Variants in PCDHA1 observed in about 807,000 individuals in gnomAD.
The protein encoded by PCDHA1 is protocadherin alpha 1.
PCDHA1 carries 42 observed loss-of-function variants against 61.3 expected under a neutral mutation model. The ratio of observed to expected loss-of-function variants is 0.69; its 90% confidence interval spans 0.54 to 0.89. The LOEUF (loss-of-function observed/expected upper bound fraction) is 0.89. Ranked by LOEUF, PCDHA1 falls within the 40% of genes least tolerant of loss-of-function variation. The pLI is 0.00. For missense variants in PCDHA1, 1,256 were observed against 1,235.3 expected (o/e 1.02, Z -0.25); for synonymous variants, 610 against 553.8 (o/e 1.10, Z -1.43).
chr5:140,852,896 TG>T (rs2042516637), intron 1 of PCDHA1: 1 of 852,490 alleles, frequency 1.2e-6, no homozygotes, highest in Non-Finnish European at 1.4e-6. Context: ...TTTTTTTTTT[TG>T]AGTCAGAGTC....
rs116377419 is a variant in PCDHA1, at chr5:140,884,621, G to A, written c.2395-94328G>A. On this transcript the variant is annotated intron_variant, in intron 1 of 3. Coordinates refer to ENST00000504120, the MANE Select transcript of PCDHA1 (RefSeq NM_018900.4). ...TCCTCCTTGTCTGGGTTCTGCAGAG[G>A]GAACAGGCCAGAGGGAGGAGGACTC... 8.0e-4 allele frequency: 1,287 copies of A among 1,613,996 alleles called. 6 individuals carry two copies. The African/African-American group carries it at 0.016, about 20-fold the overall frequency.
chr5:140,882,438 C>T (rs782795158), intron 1 of PCDHA1: 5 of 1,614,020 alleles, frequency 3.1e-6, no homozygotes, highest in Non-Finnish European at 4.2e-6. Context: ...CTGGAGCTGG[C>T]GGAGCTGGTG....
At chr5:140,968,634 A>T (rs782166097) in intron 1 of PCDHA1, 7 of 1,614,176 alleles carry the variant, frequency 4.3e-6, no homozygotes, top group Non-Finnish European at 5.9e-6. Flanking sequence ...CTTTTTTACC[A>T]TCTAGCCCAG....
At chr5:140,958,796 T>C (rs2095443333) in intron 1 of PCDHA1, among the ~76,000 whole-genome samples, 2 of 152,182 alleles carry the variant, frequency 1.3e-5, no homozygotes, top group Admixed American at 6.5e-5. Context: ...TCTAGTAAAT[T>C]ATCACACCAT....
At chr5:141,007,977 T>A (rs564286183) in intron 3 of PCDHA1, among the ~76,000 whole-genome samples, 20 of 152,362 alleles carry the variant, frequency 1.3e-4, no homozygotes, top group African/African-American at 4.8e-4. Flanking sequence ...GTCTGTCATG[T>A]ATATATGAAA....
chr5:140,906,662 G>A (rs1186000828), intron 1 of PCDHA1, among the ~76,000 whole-genome samples: 1 of 152,200 alleles, frequency 6.6e-6, no homozygotes, highest in Non-Finnish European at 1.5e-5. Context: ...TCCTGGTGTA[G>A]TGACCCAAAC....
Position 140,893,828 on chromosome 5 carries a change from C to T in PCDHA1, c.2395-85121C>T, listed in dbSNP as rs144587014. Among the ~76,000 whole-genome samples the T allele has an allele frequency of 1.9e-3, 290 of 152,282 alleles. 1 individual carries two copies. Among genetic ancestry groups the T allele is most frequent in the African/African-American group, 6.6e-3 (275 of 41,556 alleles). ...CTTGAGTCTGGTACCGTAGACTACT[C>T]AGCCATCCTGATGCCCTACCTCTTG... On this transcript the variant is annotated intron_variant, in intron 1 of 3. Coordinates refer to ENST00000504120, the MANE Select transcript of PCDHA1 (RefSeq NM_018900.4).
rs1554135389 is a variant in PCDHA1 at position 140,835,887 on chromosome 5, C to T, written c.2394+47203C>T. The T allele has an allele frequency of 3.7e-6, 6 of 1,611,898 alleles. No homozygotes were observed. In the East Asian group the frequency reaches 1.1e-4, roughly 30 times the overall value. ...GCTGGTGGAGCTGCGGGTGGGCGAG[C>T]GCGCGCTGTCGAGCTACGTGTCAGT... is the stretch of plus-strand genomic sequence containing the variant. On this transcript the variant is annotated intron_variant, in intron 1 of 3. Transcript: ENST00000504120.
intron 1 of PCDHA1, chr5:140,809,158 C>T: frequency 6.2e-7 from 1 of 1,613,948 alleles, no homozygotes; most frequent in Non-Finnish European, 8.5e-7. Flanking sequence ...ACGGCGAGCC[C>T]GCGCTGACGG....
At chr5:140,797,335 T>C (rs1554120411) in intron 1 of PCDHA1, 1 of 1,614,030 alleles carries the variant, frequency 6.2e-7, no homozygotes, top group African/African-American at 1.3e-5. Context: ...GCTCTCAGAA[T>C]CAGAATACGT....
At position 140,856,259 on chromosome 5, in the gene PCDHA1, G is replaced by T. The variant is rs199529084; in HGVS notation, c.2394+67575G>T. The T allele has an allele frequency of 2.8e-5, 45 of 1,597,976 alleles. 8 individuals are homozygous for T. Among genetic ancestry groups the T allele is most frequent in the Non-Finnish European group, 2.9e-5 (34 of 1,167,878 alleles). The stretch of plus-strand genomic sequence containing the variant: ...GTTCCGGGTGGCGTCCAAAAGACAC[G>T]GGGACCTTCTGGAGGTAAATCTGCA... On this transcript the variant is annotated intron_variant, in intron 1 of 3. Coordinates refer to ENST00000504120, the MANE Select transcript of PCDHA1 (RefSeq NM_018900.4).
rs1563652468 is a variant in PCDHA1 at position 141,000,419 on chromosome 5, A to AT, written c.2543-9207dup. The stretch of plus-strand genomic sequence containing the variant: ...TCTATATATATATATATATATATAT[A>AT]TATTTTTTTTTTTTTTTTTTTTTTT... On this transcript the variant is annotated intron_variant, in intron 3 of 3. Transcript: ENST00000504120. 4.4e-3 allele frequency among the ~76,000 whole-genome samples: 271 copies of AT among 60,978 alleles called. 1 individual carries two copies. The highest frequency in any genetic ancestry group is 5.9e-3 in the Non-Finnish European group (210 of 35,644). The allele number at this position is 60,978 out of a possible 152,430, so 40.0% of individuals were successfully genotyped here.
intron 1 of PCDHA1, chr5:140,928,142 C>T (rs2084978114): frequency 1.9e-6 from 3 of 1,614,170 alleles, no homozygotes; most frequent in East Asian, 2.2e-5. Flanking sequence ...CTGATCACGG[C>T]CTCAGATAGT....
chr5:140,923,468 G>A (rs2081380588), intron 1 of PCDHA1, among the ~76,000 whole-genome samples: 1 of 152,098 alleles, frequency 6.6e-6, no homozygotes, highest in Admixed American at 6.5e-5. Context: ...GGTAGGGGCT[G>A]CAGTGAGCCA....
rs1563353899 is a variant in PCDHA1, at chr5:140,966,713, G to A, written c.2395-12236G>A. The A allele has an allele frequency of 4.3e-6, 6 of 1,392,826 alleles. No individual in the cohort carries two copies. The African/African-American group carries it at 9.1e-5, about 21-fold the overall frequency. 86.3% of individuals were successfully genotyped at this position (1,392,826 alleles called of 1,614,324 possible). ...CGGGGCCCGGGCGTGGGGCACGGCTGGGGAAGCTGCCGCCTCCGGCCCTGC... is the reference window on the plus strand; with the variant it reads ...CGGGGCCCGGGCGTGGGGCACGGCTAGGGAAGCTGCCGCCTCCGGCCCTGC... On this transcript the variant is annotated intron_variant, in intron 1 of 3. Transcript: ENST00000504120.
chr5:140,788,691 C>A lies in PCDHA1; in HGVS notation c.2394+7C>A, dbSNP rs1167776059. ...TTTGGATCTTTCTGGTAATGTAAGT[C>A]CAACTTTCGAGTTTTGGCTTTAAAT... On this transcript the variant is annotated splice_region_variant and intron_variant, in intron 1 of 3. Transcript: ENST00000504120. 6.5e-7 allele frequency: 1 copy of A among 1,537,770 alleles called. No homozygotes were observed. Among genetic ancestry groups the A allele is most frequent in the Non-Finnish European group, 8.8e-7 (1 of 1,142,496 alleles).
chr5:140,829,623 A>G, intron 1 of PCDHA1: 1 of 1,612,184 alleles, frequency 6.2e-7, no homozygotes, highest in Non-Finnish European at 8.5e-7. Flanking sequence ...ATTTCGGTGC[A>G]CGCGGAGAGC....
At chr5:140,876,793 G>A (rs782321220) in intron 1 of PCDHA1, 2 of 1,614,240 alleles carry the variant, frequency 1.2e-6, no homozygotes, top group Non-Finnish European at 1.7e-6. Context: ...CACGGCTAGA[G>A]TGTCCGTGGA....
chr5:140,870,504 C>G (rs782464928), intron 1 of PCDHA1: 18 of 1,614,232 alleles, frequency 1.1e-5, no homozygotes, highest in Non-Finnish European at 3.4e-6. Context: ...AGGAGAACAA[C>G]CCACCAGGCT....
Sources: gnomAD v4.1 joint callset for allele counts (sites outside exome capture counted in the v4.1 genomes callset) on GRCh38, gnomAD v4.1.1 for gene constraint, MANE v1.5 for transcripts, NCBI Gene and HGNC (gene_info 2026-07-23, HGNC 2026-07-21) for gene names.